The following EPHB1 variants were observed in gnomAD, a reference collection of about 807,000 sequenced individuals.
EPHB1 encodes ephrin type-B receptor 1.
Under a neutral mutation model 94.4 loss-of-function variants are expected in EPHB1, and 30 were observed. The observed-to-expected ratio is 0.32, with a 90% CI of 0.24 to 0.43. EPHB1 has a LOEUF of 0.43. Among genes scored for constraint, EPHB1 ranks in the 20% least tolerant of loss-of-function variants. The probability of loss-of-function intolerance (pLI) is 1.00; values close to 1 mark genes in which losing one functional copy is unlikely to be tolerated. For synonymous variants in EPHB1, 522 were observed against 489.1 expected (o/e 1.07, Z -0.89); for missense variants, 1,055 against 1,308.3 (o/e 0.81, Z 2.99).
intron 3 of EPHB1, among the ~76,000 whole-genome samples, chr3:135,032,667 T>C (rs1288688250): frequency 6.6e-6 from 1 of 152,214 alleles, no homozygotes; most frequent in Non-Finnish European, 1.5e-5. Context: ...GGTGGTGAGA[T>C]GGCAAGATGA....
intron 3 of EPHB1, among the ~76,000 whole-genome samples, chr3:135,061,847 G>A (rs956463210): frequency 2.0e-5 from 3 of 152,110 alleles, no homozygotes; most frequent in African/African-American, 7.2e-5. Flanking sequence ...AACATGCGGT[G>A]TTTGGTTTTT....
intron 3 of EPHB1, among the ~76,000 whole-genome samples, chr3:135,070,982 C>G (rs1937687420): frequency 6.6e-6 from 1 of 152,158 alleles, no homozygotes; most frequent in African/African-American, 2.4e-5. Flanking sequence ...TCACTCTGGC[C>G]AGGGAGGGTC....
intron 1 of EPHB1, among the ~76,000 whole-genome samples, chr3:134,871,431 AAG>A (rs2037497774): frequency 2.0e-5 from 3 of 152,202 alleles, no homozygotes; most frequent in Admixed American, 6.5e-5. Flanking sequence ...AGTGAGGGGA[AAG>A]AACTGCAAGC....
intron 12 of EPHB1, among the ~76,000 whole-genome samples, chr3:135,202,262 C>A (rs1156781947): frequency 6.6e-6 from 1 of 152,182 alleles, no homozygotes; most frequent in Admixed American, 6.5e-5. Flanking sequence ...TCATTTAGAA[C>A]TTTAACAAGC....
intron 10 of EPHB1, among the ~76,000 whole-genome samples, chr3:135,183,168 A>T (rs1422340135): frequency 6.8e-6 from 1 of 147,286 alleles, no homozygotes; most frequent in African/African-American, 2.5e-5. Context: ...GCTACAAATC[A>T]TGAGCCCCTT....
chr3:135,203,440 A>G (rs1419309302), intron 12 of EPHB1, among the ~76,000 whole-genome samples: 1 of 152,198 alleles, frequency 6.6e-6, no homozygotes, highest in Non-Finnish European at 1.5e-5. Context: ...AAAATAAACT[A>G]AAATTCCCCT....
chr3:135,166,960 A>G lies in EPHB1; in HGVS notation c.1713A>G (p.Lys571=). The G allele has an allele frequency of 6.2e-7, 1 of 1,614,174 alleles. No homozygotes were observed. The highest frequency in any genetic ancestry group is 1.7e-5 in the Admixed American group (1 of 60,020). The change falls in exon 9 of 16, where the codon AAA becomes AAG. Residue 571 remains lysine (K), a synonymous_variant. Coordinates refer to ENST00000398015, the MANE Select transcript of EPHB1 (RefSeq NM_004441.5). The part of the protein sequence containing the change: ...IVCSRKRAYS[K]EAVYSDKLQH... ...TCCACAGGAAACGGGCTTATAGCAAAGAGGCTGTGTACAGCGATAAGCTCC... is the reference window on the plus strand; with the variant it reads ...TCCACAGGAAACGGGCTTATAGCAAGGAGGCTGTGTACAGCGATAAGCTCC...
At chr3:135,253,506 A>G (rs1316283358) in intron 15 of EPHB1, among the ~76,000 whole-genome samples, 4 of 151,918 alleles carry the variant, frequency 2.6e-5, no homozygotes, top group Non-Finnish European at 4.4e-5. Context: ...CAGGTTTGTG[A>G]AAGATCAGAT....
chr3:135,048,569 C>CA (rs1323142114), intron 3 of EPHB1, among the ~76,000 whole-genome samples: 1 of 152,240 alleles, frequency 6.6e-6, no homozygotes, highest in East Asian at 1.9e-4. Flanking sequence ...TGCATCCTTC[C>CA]AAAAATACTC....
At chr3:135,202,972 A>T (rs1190136041) in intron 12 of EPHB1, among the ~76,000 whole-genome samples, 1 of 152,230 alleles carries the variant, frequency 6.6e-6, no homozygotes, top group Non-Finnish European at 1.5e-5. Context: ...AACCAACCCA[A>T]ATGCCCATCA....
chr3:135,114,309 G>A (rs1939586163), intron 4 of EPHB1, among the ~76,000 whole-genome samples: 1 of 152,018 alleles, frequency 6.6e-6, no homozygotes, highest in South Asian at 2.1e-4. Context: ...ACAGTGATGT[G>A]GGGCAAGTGA....
chr3:135,076,260 T>TATATATAA lies in EPHB1; in HGVS notation c.806-30187_806-30186insTATATAAA, dbSNP rs1424213544. The stretch of plus-strand genomic sequence containing the variant: ...ATATATATATATATATATATATATA[T>TATATATAA]AACTCTTAAATGCATTAGTAAAAAG... On this transcript the variant is annotated intron_variant, in intron 3 of 15. Coordinates refer to ENST00000398015, the MANE Select transcript of EPHB1 (RefSeq NM_004441.5). Among the ~76,000 whole-genome samples, 368 of 104,348 alleles carry TATATATAA rather than the reference T, an allele frequency of 3.5e-3. 10 individuals carry two copies. The highest frequency in any genetic ancestry group is 0.013 in the African/African-American group (352 of 27,650). The allele number at this position is 104,348 out of a possible 152,430, so 68.5% of individuals were successfully genotyped here. A position where few individuals can be genotyped will look rare whatever the true frequency, so the allele number is the denominator to read the frequency against.
intron 5 of EPHB1, among the ~76,000 whole-genome samples, chr3:135,139,645 AAAGT>A (rs1436994122): frequency 6.6e-6 from 1 of 152,196 alleles, no homozygotes; most frequent in Non-Finnish European, 1.5e-5. Flanking sequence ...GAAAAGTCAC[AAAGT>A]AAGCAGGTGA....
At chr3:135,107,282 C>T (rs777123897) in intron 4 of EPHB1, among the ~76,000 whole-genome samples, 28 of 152,296 alleles carry the variant, frequency 1.8e-4, no homozygotes, top group Middle Eastern at 3.4e-3. Flanking sequence ...AGAGCAGTCT[C>T]CCTGCCAAAA....
chr3:135,158,734 C>T (rs1324323950), intron 6 of EPHB1, among the ~76,000 whole-genome samples: 1 of 152,178 alleles, frequency 6.6e-6, no homozygotes, highest in Non-Finnish European at 1.5e-5. Flanking sequence ...TCATCATTCT[C>T]TCTTGTTTAC....
rs10664147 is a variant in EPHB1, at chr3:134,973,425, C to CTTTTTTTTTTTTTT, written c.805+21383_805+21396dup. On this transcript the variant is annotated intron_variant, in intron 3 of 15. Transcript: ENST00000398015. Reference sequence around the variant, plus strand: ...AAGCACTCCTTGTCTGTCTTCTAGTCTTTTTTTTTTTTTTTTTTTTTTTGA... The same window carrying CTTTTTTTTTTTTTT: ...AAGCACTCCTTGTCTGTCTTCTAGTCTTTTTTTTTTTTTTTTTTTTTTTTTTTTTTTTTTTTTGA... Among the ~76,000 whole-genome samples, 3 of 91,016 alleles carry CTTTTTTTTTTTTTT rather than the reference C, an allele frequency of 3.3e-5. 1 individual carries two copies. Among genetic ancestry groups the CTTTTTTTTTTTTTT allele is most frequent in the African/African-American group, 1.4e-4 (3 of 21,412 alleles). The allele number at this position is 91,016 out of a possible 152,430, so 59.7% of individuals were successfully genotyped here. A position where few individuals can be genotyped will look rare whatever the true frequency, so the allele number is the denominator to read the frequency against.
At chr3:135,177,324 T>C (rs1942008888) in intron 9 of EPHB1, among the ~76,000 whole-genome samples, 1 of 152,210 alleles carries the variant, frequency 6.6e-6, no homozygotes, top group Admixed American at 6.5e-5. Flanking sequence ...AACGCTGACC[T>C]GCTGTCCCTT....
intron 3 of EPHB1, among the ~76,000 whole-genome samples, chr3:135,054,598 G>A (rs1345692173): frequency 1.3e-5 from 2 of 152,166 alleles, no homozygotes; most frequent in African/African-American, 4.8e-5. Flanking sequence ...CAATAGCCGT[G>A]CTTATCTGTG....
intron 12 of EPHB1, among the ~76,000 whole-genome samples, chr3:135,224,861 G>T (rs575839938): frequency 6.6e-6 from 1 of 152,150 alleles, no homozygotes; most frequent in African/African-American, 2.4e-5. Flanking sequence ...CATTCTCTTT[G>T]ATTTTTACCT....
Sources: allele counts gnomAD v4.1 joint callset (sites outside exome capture counted in the v4.1 genomes callset), GRCh38; gene constraint gnomAD v4.1.1; transcripts MANE v1.5; gene names NCBI Gene and HGNC (gene_info 2026-07-23, HGNC 2026-07-21).